The following CNTNAP2 variants were observed in gnomAD, a reference collection of about 807,000 sequenced individuals.
CNTNAP2 encodes contactin-associated protein-like 2.
In CNTNAP2, 98 loss-of-function variants were observed where a neutral mutation model predicts 155.2. The observed-to-expected ratio is 0.63, with a 90% confidence interval of 0.54 to 0.75. CNTNAP2 has a LOEUF of 0.75. Among genes scored for constraint, CNTNAP2 ranks in the 30% least tolerant of loss-of-function variants. The pLI, the probability that CNTNAP2 is intolerant of heterozygous loss-of-function variation, is 0.00. For missense variants in CNTNAP2, 1,727 were observed against 1,688.1 expected, an observed-to-expected ratio of 1.02 and a Z score of -0.40; for synonymous variants, 651 against 631.2, an observed-to-expected ratio of 1.03 and a Z score of -0.47.
At chr7:146,388,868 C>T (rs995899290) in intron 1 of CNTNAP2, among the ~76,000 whole-genome samples, 1 of 152,046 alleles carries the variant, frequency 6.6e-6, no homozygotes, top group African/African-American at 2.4e-5. Flanking sequence ...TGATGTTTGT[C>T]TTTCTGTGCC....
At chr7:147,328,526 G>A (rs1258842681) in intron 9 of CNTNAP2, among the ~76,000 whole-genome samples, 2 of 152,154 alleles carry the variant, frequency 1.3e-5, no homozygotes, top group Admixed American at 1.3e-4. Flanking sequence ...GAGGGCCGAG[G>A]CCAGAAACTA....
intron 2 of CNTNAP2, among the ~76,000 whole-genome samples, chr7:146,818,954 G>A (rs1803225317): frequency 6.6e-6 from 1 of 151,872 alleles, no homozygotes; most frequent in South Asian, 2.1e-4. Flanking sequence ...TTTAAATAAT[G>A]ATAAATATAA....
At chr7:148,032,720 G>A (rs577796364) in intron 15 of CNTNAP2, among the ~76,000 whole-genome samples, 50 of 152,296 alleles carry the variant, frequency 3.3e-4, no homozygotes, top group African/African-American at 1.1e-3. Context: ...GCGCTAAGCA[G>A]AAGAGAGAAC....
intron 1 of CNTNAP2, among the ~76,000 whole-genome samples, chr7:146,494,629 A>G (rs1210718694): frequency 6.6e-6 from 1 of 152,206 alleles, no homozygotes; most frequent in Non-Finnish European, 1.5e-5. Flanking sequence ...TGTGTGATAT[A>G]TGTATGACTG....
At chr7:148,326,403 T>C (rs573677103) in intron 21 of CNTNAP2, among the ~76,000 whole-genome samples, 2 of 152,276 alleles carry the variant, frequency 1.3e-5, no homozygotes, top group East Asian at 3.9e-4. Context: ...GCTTTCTATA[T>C]GTAATTCTAC....
intron 3 of CNTNAP2, among the ~76,000 whole-genome samples, chr7:146,875,133 A>G (rs984221189): frequency 6.6e-6 from 1 of 152,232 alleles, no homozygotes; most frequent in African/African-American, 2.4e-5. Flanking sequence ...AGGCAAAGAC[A>G]GGCTCTAGTG....
chr7:147,062,618 T>A (rs1221557376), intron 4 of CNTNAP2, among the ~76,000 whole-genome samples: 4 of 152,314 alleles, frequency 2.6e-5, no homozygotes, highest in Admixed American at 6.5e-5. Context: ...AGATTTGTCA[T>A]GAAGATTAAA....
At chr7:146,466,300 A>G (rs986619044) in intron 1 of CNTNAP2, among the ~76,000 whole-genome samples, 1 of 152,132 alleles carries the variant, frequency 6.6e-6, no homozygotes, top group Admixed American at 6.5e-5. Context: ...TGGGAGTGGG[A>G]TCACATCAGC....
At chr7:147,519,346 T>C (rs1799189918) in intron 11 of CNTNAP2, among the ~76,000 whole-genome samples, 1 of 152,160 alleles carries the variant, frequency 6.6e-6, no homozygotes. Flanking sequence ...CTACCCTGCC[T>C]TTCTCTTTCA....
chr7:148,354,445 C>CT (rs1798478145), intron 21 of CNTNAP2, among the ~76,000 whole-genome samples: 1 of 151,990 alleles, frequency 6.6e-6, no homozygotes, highest in South Asian at 2.1e-4. Flanking sequence ...TTGGGGAGCC[C>CT]TTAGGCTGCT....
intron 9 of CNTNAP2, among the ~76,000 whole-genome samples, chr7:147,351,373 A>G (rs767997216): frequency 6.6e-6 from 1 of 151,766 alleles, no homozygotes; most frequent in Non-Finnish European, 1.5e-5. Context: ...GAATAATCCT[A>G]GAACAACGCA....
chr7:148,090,922 C>A (rs964227214), intron 15 of CNTNAP2, among the ~76,000 whole-genome samples: 1 of 151,878 alleles, frequency 6.6e-6, no homozygotes, highest in African/African-American at 2.4e-5. Flanking sequence ...GGAAATCCAG[C>A]CATATGGATG....
intron 19 of CNTNAP2, among the ~76,000 whole-genome samples, chr7:148,221,246 T>C (rs1056259902): frequency 6.6e-6 from 1 of 152,308 alleles, no homozygotes; most frequent in Admixed American, 6.5e-5. Flanking sequence ...AATGGTGCCA[T>C]GCATTAATTC....
At chr7:146,446,632 A>C (rs1796406669) in intron 1 of CNTNAP2, among the ~76,000 whole-genome samples, 1 of 152,112 alleles carries the variant, frequency 6.6e-6, no homozygotes, top group South Asian at 2.1e-4. Context: ...GTAAGTGAGA[A>C]GTTGGTGAAG....
intron 10 of CNTNAP2, among the ~76,000 whole-genome samples, chr7:147,415,667 TA>T (rs1584935821): frequency 3.3e-5 from 5 of 152,106 alleles, no homozygotes; most frequent in African/African-American, 1.2e-4. Flanking sequence ...TTTATAGCAG[TA>T]AAAAAATGGA....
intron 13 of CNTNAP2, among the ~76,000 whole-genome samples, chr7:147,880,590 T>C (rs1799502906): frequency 7.6e-6 from 1 of 131,114 alleles, no homozygotes; most frequent in Non-Finnish European, 1.6e-5. Context: ...GTGCCAACTT[T>C]TTCATTGTTT....
intron 8 of CNTNAP2, among the ~76,000 whole-genome samples, chr7:147,262,581 G>T (rs1276436307): frequency 1.3e-5 from 2 of 152,142 alleles, no homozygotes; most frequent in African/African-American, 4.8e-5. Flanking sequence ...GAGGTGGGCG[G>T]ATCACGGGTT....
At chr7:147,315,367 C>A (rs1795206416) in intron 9 of CNTNAP2, among the ~76,000 whole-genome samples, 1 of 150,842 alleles carries the variant, frequency 6.6e-6, no homozygotes, top group South Asian at 2.1e-4. Flanking sequence ...AAATAGAACC[C>A]CAAAACTATT....
chr7:147,919,312 C>T (rs575322231), intron 14 of CNTNAP2, among the ~76,000 whole-genome samples: 2 of 151,712 alleles, frequency 1.3e-5, no homozygotes, highest in East Asian at 1.9e-4. Flanking sequence ...AGACAGGTCT[C>T]ACTGTGTCAC....
Sources: allele counts gnomAD v4.1 joint callset (sites outside exome capture counted in the v4.1 genomes callset), GRCh38; gene constraint gnomAD v4.1.1; transcripts MANE v1.5; gene names NCBI Gene and HGNC (gene_info 2026-07-23, HGNC 2026-07-21).